The following RCBTB1 variants were observed in gnomAD, a reference collection of about 807,000 sequenced individuals.
RCBTB1 encodes the protein RCC1 and BTB domain-containing protein 1.
A neutral mutation model predicts 62.4 loss-of-function variants in RCBTB1; 46 were observed. The observed-to-expected ratio is 0.74, with a 90% CI of 0.58 to 0.94. RCBTB1 has a LOEUF of 0.94. Among genes scored for constraint, RCBTB1 ranks in the 40% least tolerant of loss-of-function variants. The pLI, the probability that RCBTB1 is intolerant of heterozygous loss-of-function variation, is 0.00. For missense variants in RCBTB1, 565 were observed against 654.9 expected (o/e 0.86, Z 1.50); for synonymous variants, 222 against 245.8 (o/e 0.90, Z 0.91).
intron 4 of RCBTB1, among the ~76,000 whole-genome samples, chr13:49,563,226 C>T (rs1350234933): frequency 6.6e-6 from 1 of 151,098 alleles, no homozygotes; most frequent in Non-Finnish European, 1.5e-5. Flanking sequence ...ATGGTGAGAC[C>T]TCATCTCTAC....
intron 9 of RCBTB1, chr13:49,546,443 C>T (rs911663150): frequency 3.7e-5 from 22 of 601,826 alleles, no homozygotes; most frequent in Middle Eastern, 8.6e-4. Context: ...AATTTTTCCA[C>T]GGACCGAGGC....
chr13:49,575,127 G>C lies in RCBTB1; in HGVS notation c.-42+5378C>G, dbSNP rs1015033874. Among the ~76,000 whole-genome samples, 87 of 152,184 alleles carry C rather than the reference G, an allele frequency of 5.7e-4. 1 individual carries two copies. The highest frequency in any genetic ancestry group is 2.1e-3 in the African/African-American group (86 of 41,538). Reference sequence around the variant, plus strand: ...AGTTTCACTTTGGGGTGATGAAAAAGTTCTAGGCAACAAATATGTGAAAAA... The same window carrying C: ...AGTTTCACTTTGGGGTGATGAAAAACTTCTAGGCAACAAATATGTGAAAAA... On this transcript the variant is annotated intron_variant, in intron 2 of 12. Transcript: ENST00000378302.
intron 4 of RCBTB1, among the ~76,000 whole-genome samples, chr13:49,564,693 C>T (rs1415326252): frequency 6.6e-6 from 1 of 151,102 alleles, no homozygotes; most frequent in African/African-American, 2.4e-5. Context: ...AGATCGAGAC[C>T]ATCCTGGCTA....
chr13:49,542,825 C>G (rs184525744), intron 10 of RCBTB1, among the ~76,000 whole-genome samples: 35 of 152,158 alleles, frequency 2.3e-4, no homozygotes, highest in Non-Finnish European at 3.8e-4. Flanking sequence ...CTGAGCAGCT[C>G]CTACACTGTA....
chr13:49,550,324 T>A (rs1961221394), intron 8 of RCBTB1: 1 of 400,348 alleles, frequency 2.5e-6, no homozygotes, highest in African/African-American at 2.2e-5. Context: ...CTACCAGAGC[T>A]CAGAACACTC....
chr13:49,559,461 C>T (rs977472502), intron 5 of RCBTB1, among the ~76,000 whole-genome samples: 6 of 151,944 alleles, frequency 3.9e-5, no homozygotes, highest in Admixed American at 6.6e-5. Context: ...TCGAGACCAT[C>T]CTGGCTAACA....
intron 5 of RCBTB1, among the ~76,000 whole-genome samples, chr13:49,559,561 C>T (rs565087788): frequency 2.1e-4 from 30 of 145,192 alleles, no homozygotes; most frequent in South Asian, 4.3e-4. Context: ...GAGGCTGAGG[C>T]AGGAAAATGG....
chr13:49,559,874 T>C (rs1157812670), intron 5 of RCBTB1, 44 bp downstream of exon 5: 10 of 1,561,370 alleles, frequency 6.4e-6, no homozygotes, highest in South Asian at 2.4e-5. Context: ...GTATTTACTA[T>C]GATGAAAAAA....
chr13:49,582,557 C>A lies in RCBTB1; in HGVS notation c.-121-1973G>T, dbSNP rs183400496. On this transcript the variant is annotated intron_variant, in intron 1 of 12. Coordinates refer to ENST00000378302, the MANE Select transcript of RCBTB1 (RefSeq NM_018191.4). ...GGAGCAAGTCTTCCTTTTCTTCCTT[C>A]CACAAGAGGAGGAGGAAAGGGTGAA... Among the ~76,000 whole-genome samples the A allele has an allele frequency of 1.5e-3, 227 of 152,284 alleles. 2 individuals carry two copies. The highest frequency in any genetic ancestry group is 1.9e-3 in the Non-Finnish European group (126 of 68,020).
intron 4 of RCBTB1, among the ~76,000 whole-genome samples, chr13:49,561,369 G>C (rs1489795219): frequency 2.6e-5 from 4 of 152,172 alleles, no homozygotes; most frequent in Non-Finnish European, 4.4e-5. Context: ...GCTCACAAGA[G>C]CCATTCCCTC....
chr13:49,536,194 C>T (rs1342169709), intron 12 of RCBTB1, among the ~76,000 whole-genome samples: 1 of 152,068 alleles, frequency 6.6e-6, no homozygotes, highest in Non-Finnish European at 1.5e-5. Context: ...TTCAAAAGTT[C>T]CAAACATTAA....
At chr13:49,568,267 C>T (rs115648900) in intron 2 of RCBTB1, among the ~76,000 whole-genome samples, 1,756 of 152,236 alleles carry the variant, frequency 0.012, 37 homozygotes, top group African/African-American at 0.039. Flanking sequence ...TCCATTACAT[C>T]GATTTAGCAA....
chr13:49,563,514 T>C (rs9562898), intron 4 of RCBTB1, among the ~76,000 whole-genome samples: 37,108 of 151,850 alleles, frequency 0.24, 5,849 homozygotes, highest in African/African-American at 0.44. Context: ...AACACAAAAA[T>C]TAGCCAGGCA....
rs145048168 is a variant in RCBTB1, at chr13:49,550,145, A to G, written c.855-497T>C. ...ACAGCTGCACCACCATACCCGGCTA[A>G]GTTTTGTATTTTTTATAGAGACAGA... On this transcript the variant is annotated intron_variant, in intron 8 of 12. Coordinates refer to ENST00000378302, the MANE Select transcript of RCBTB1 (RefSeq NM_018191.4). Among the ~76,000 whole-genome samples the G allele has an allele frequency of 3.3e-3, 498 of 152,092 alleles. 2 individuals are homozygous for G. Among genetic ancestry groups the G allele is most frequent in the Non-Finnish European group, 5.4e-3 (369 of 67,992 alleles).
At chr13:49,560,942 C>A (rs758844395) in intron 4 of RCBTB1, among the ~76,000 whole-genome samples, 24 of 152,166 alleles carry the variant, frequency 1.6e-4, no homozygotes, top group Non-Finnish European at 3.4e-4. Flanking sequence ...TGGCATGCCA[C>A]CCCCTCCCAG....
chr13:49,541,813 C>A lies in RCBTB1; in HGVS notation c.1187G>T (p.Arg396Leu). 14 of 1,611,366 alleles carry A rather than the reference C, an allele frequency of 8.7e-6. No homozygotes were observed. Among genetic ancestry groups the A allele is most frequent in the Non-Finnish European group, 1.2e-5 (14 of 1,179,234 alleles). The change falls in exon 11 of 13, where the codon CGA (arginine) becomes CTA (leucine). Residue 396 changes from arginine (R) to leucine (L), a missense_variant. By Grantham distance (102) the Arg-to-Leu change is moderately radical (BLOSUM62 -2). Transcript: ENST00000378302. ...ATTCCAATACGACTGGAACATGGAT[C>A]GAAAATGCTCACACCTAAAACAGCA... is the stretch of plus-strand genomic sequence containing the variant. ...AVLKIRCEHF[R>L]SMFQSYWNED... is the part of the protein sequence containing the mutation.
chr13:49,564,446 C>T (rs1019819063), intron 4 of RCBTB1, among the ~76,000 whole-genome samples: 6 of 151,180 alleles, frequency 4.0e-5, no homozygotes, highest in Admixed American at 2.0e-4. Context: ...TTAGCCGGGG[C>T]GTGGTGGCAC....
At chr13:49,538,699 G>A (rs1408079688) in intron 12 of RCBTB1, among the ~76,000 whole-genome samples, 1 of 151,184 alleles carries the variant, frequency 6.6e-6, no homozygotes, top group African/African-American at 2.4e-5. Flanking sequence ...CTGGGCAACA[G>A]AACAAGACCC....
intron 1 of RCBTB1, among the ~76,000 whole-genome samples, chr13:49,580,808 A>G (rs1964052427): frequency 6.6e-6 from 1 of 152,224 alleles, no homozygotes; most frequent in Non-Finnish European, 1.5e-5. Context: ...CCAGCAATGG[A>G]CTGGCAGAAC....
Sources: allele counts gnomAD v4.1 joint callset (sites outside exome capture counted in the v4.1 genomes callset), GRCh38; gene constraint gnomAD v4.1.1; transcripts MANE v1.5; gene names NCBI Gene and HGNC (gene_info 2026-07-23, HGNC 2026-07-21).